The following LRRC4C variants were observed in gnomAD, a reference collection of about 807,000 sequenced individuals.
LRRC4C encodes the protein leucine rich repeat containing 4C, also known as leucine-rich repeat-containing protein 4C.
A neutral mutation model predicts 33.6 loss-of-function variants in LRRC4C; 5 were observed. The observed-to-expected ratio is 0.15, with a 90% CI of 0.08 to 0.31. LRRC4C has a LOEUF of 0.31. Among genes scored for constraint, LRRC4C ranks in the 10% least tolerant of loss-of-function variants. The pLI is 1.00. For synonymous variants in LRRC4C, 329 were observed against 302.0 expected, an observed-to-expected ratio of 1.09 and a Z score of -0.93; for missense variants, 560 against 796.7, an observed-to-expected ratio of 0.70 and a Z score of 3.58.
chr11:40,888,979 T>C (rs1412753876), intron 2 of LRRC4C, among the ~76,000 whole-genome samples: 1 of 152,000 alleles, frequency 6.6e-6, no homozygotes, highest in Admixed American at 6.6e-5. Context: ...CTACCAAATA[T>C]TATCTTATAT....
At chr11:40,298,081 A>T (rs1944598523) in intron 4 of LRRC4C, among the ~76,000 whole-genome samples, 1 of 152,144 alleles carries the variant, frequency 6.6e-6, no homozygotes, top group South Asian at 2.1e-4. Flanking sequence ...AAATGGAAAG[A>T]CCTACATTTT....
intron 1 of LRRC4C, among the ~76,000 whole-genome samples, chr11:41,324,806 A>G (rs1450774618): frequency 6.6e-6 from 1 of 152,200 alleles, no homozygotes; most frequent in Non-Finnish European, 1.5e-5. Flanking sequence ...GTGTACACCT[A>G]TGAATGCATC....
chr11:40,324,534 T>C (rs1329871625), intron 3 of LRRC4C, among the ~76,000 whole-genome samples: 2 of 152,162 alleles, frequency 1.3e-5, no homozygotes, highest in Non-Finnish European at 2.9e-5. Context: ...CCACCCTCAC[T>C]CATTTGCGAA....
intron 2 of LRRC4C, among the ~76,000 whole-genome samples, chr11:40,806,183 A>G (rs1951240405): frequency 6.6e-6 from 1 of 152,234 alleles, no homozygotes; most frequent in African/African-American, 2.4e-5. Flanking sequence ...TAAAAAATTT[A>G]GGCCACTTGA....
At chr11:41,432,149 A>T (rs1955261043) in intron 1 of LRRC4C, among the ~76,000 whole-genome samples, 1 of 152,234 alleles carries the variant, frequency 6.6e-6, no homozygotes, top group Non-Finnish European at 1.5e-5. Flanking sequence ...TAATAGCAAA[A>T]CAAAAATTCA....
At chr11:40,724,268 T>G (rs930299206) in intron 2 of LRRC4C, among the ~76,000 whole-genome samples, 1 of 152,172 alleles carries the variant, frequency 6.6e-6, no homozygotes, top group Non-Finnish European at 1.5e-5. Context: ...CTAATAGACA[T>G]TGGCAGAATA....
rs148053217 is a variant in LRRC4C at position 40,732,378 on chromosome 11, G to A, written c.-406-84100C>T. On this transcript the variant is annotated intron_variant, in intron 2 of 6. Transcript: ENST00000528697. ...GCCAAAAATCTCAATGGTTTAAGCC[G>A]TAATTTTCTTGCTGAATGATGGTCT... 5.6e-3 allele frequency among the ~76,000 whole-genome samples: 855 copies of A among 152,278 alleles called. 6 individuals carry two copies. Among genetic ancestry groups the A allele is most frequent in the Non-Finnish European group, 8.4e-3 (568 of 68,014 alleles).
intron 3 of LRRC4C, among the ~76,000 whole-genome samples, chr11:40,432,894 T>A (rs1950990858): frequency 6.6e-6 from 1 of 152,188 alleles, no homozygotes; most frequent in Non-Finnish European, 1.5e-5. Context: ...GACCAATAAA[T>A]AGACCCAATG....
At chr11:41,418,298 A>G (rs1202558278) in intron 1 of LRRC4C, among the ~76,000 whole-genome samples, 1 of 152,026 alleles carries the variant, frequency 6.6e-6, no homozygotes, top group Non-Finnish European at 1.5e-5. Flanking sequence ...GAAATTAGCC[A>G]TTCACAAGAA....
chr11:41,145,104 A>G (rs1395234810), intron 1 of LRRC4C, among the ~76,000 whole-genome samples: 3 of 152,172 alleles, frequency 2.0e-5, no homozygotes, highest in Non-Finnish European at 4.4e-5. Flanking sequence ...CAAAGCATAT[A>G]ATCACAGCAA....
At chr11:41,346,936 G>T (rs144154204) in intron 1 of LRRC4C, among the ~76,000 whole-genome samples, 3 of 152,308 alleles carry the variant, frequency 2.0e-5, no homozygotes, top group African/African-American at 7.2e-5. Context: ...TATAGTAAAT[G>T]CCAGGCAATA....
intron 1 of LRRC4C, among the ~76,000 whole-genome samples, chr11:41,322,862 T>C (rs764014931): frequency 2.0e-5 from 3 of 152,128 alleles, no homozygotes; most frequent in Non-Finnish European, 4.4e-5. Flanking sequence ...AGCATAGTCT[T>C]GCACTGGTAG....
chr11:40,441,398 G>A (rs538825039), intron 3 of LRRC4C, among the ~76,000 whole-genome samples: 14 of 152,310 alleles, frequency 9.2e-5, no homozygotes, highest in African/African-American at 3.1e-4. Flanking sequence ...ACAACAGTAT[G>A]ATTTCTGGTT....
intron 1 of LRRC4C, among the ~76,000 whole-genome samples, chr11:41,270,625 C>A (rs1260905388): frequency 6.6e-6 from 1 of 152,050 alleles, no homozygotes; most frequent in Non-Finnish European, 1.5e-5. Context: ...CGTACCATTG[C>A]AGTGGGGCTT....
At chr11:40,159,684 C>T (rs758504553) in intron 5 of LRRC4C, among the ~76,000 whole-genome samples, 2 of 152,096 alleles carry the variant, frequency 1.3e-5, no homozygotes, top group Non-Finnish European at 2.9e-5. Context: ...GAATCACTTC[C>T]GTACAAATAC....
intron 1 of LRRC4C, among the ~76,000 whole-genome samples, chr11:40,976,988 C>A (rs1038842193): frequency 1.3e-5 from 2 of 151,972 alleles, no homozygotes; most frequent in African/African-American, 4.8e-5. Flanking sequence ...TCAGTGTGAA[C>A]CCTGAGCTTG....
chr11:40,137,945 C>T (rs1193303854), intron 6 of LRRC4C, among the ~76,000 whole-genome samples: 2 of 152,140 alleles, frequency 1.3e-5, no homozygotes, highest in Non-Finnish European at 2.9e-5. Context: ...GACCAAGAGA[C>T]CAAAAAACAC....
intron 1 of LRRC4C, among the ~76,000 whole-genome samples, chr11:41,435,071 G>A (rs573719453): frequency 5.9e-5 from 9 of 152,114 alleles, no homozygotes; most frequent in Non-Finnish European, 1.3e-4. Context: ...CTGAAAGACT[G>A]AGTGAGAATT....
At chr11:40,297,551 A>G (rs1402456737) in intron 4 of LRRC4C, among the ~76,000 whole-genome samples, 1 of 152,172 alleles carries the variant, frequency 6.6e-6, no homozygotes, top group African/African-American at 2.4e-5. Flanking sequence ...AAATATAGAT[A>G]AAAGGTCCTA....
Sources: allele counts gnomAD v4.1 joint callset (sites outside exome capture counted in the v4.1 genomes callset), GRCh38; gene constraint gnomAD v4.1.1; transcripts MANE v1.5; gene names NCBI Gene and HGNC (gene_info 2026-07-23, HGNC 2026-07-21).